Variants in RPS6KC1 observed in about 807,000 individuals in gnomAD.
RPS6KC1 encodes the protein ribosomal protein S6 kinase C1, also known as inactive ribosomal protein S6 kinase delta-1.
RPS6KC1 carries 54 observed loss-of-function variants against 103.8 expected under a neutral mutation model. The observed-to-expected ratio is 0.52, with a 90% CI of 0.42 to 0.65. RPS6KC1 has a LOEUF of 0.65. Among genes scored for constraint, RPS6KC1 ranks in the 30% least tolerant of loss-of-function variants. RPS6KC1 has a pLI of 0.00. For missense variants in RPS6KC1, 1,151 were observed against 1,253.8 expected, an observed-to-expected ratio of 0.92 and a Z score of 1.24; for synonymous variants, 439 against 438.7, an observed-to-expected ratio of 1.00 and a Z score of -0.01.
chr1:213,862,158 A>G, the RPS6KC1 span, among the ~76,000 whole-genome samples: 1 of 152,206 alleles, frequency 6.6e-6, no homozygotes, highest in Non-Finnish European at 1.5e-5. Flanking sequence ...TTTGCTGCAC[A>G]TGCTACGTAG....
At chr1:213,496,873 A>G in the RPS6KC1 span, among the ~76,000 whole-genome samples, 7 of 152,204 alleles carry the variant, frequency 4.6e-5, no homozygotes, top group Non-Finnish European at 8.8e-5. Flanking sequence ...TGTATCAGTA[A>G]CTTGGAAATT....
chr1:213,729,025 G>T, the RPS6KC1 span, among the ~76,000 whole-genome samples: 4 of 139,270 alleles, frequency 2.9e-5, no homozygotes, highest in African/African-American at 8.1e-5. Flanking sequence ...AGAGGGCAAA[G>T]GTCAGCACAG....
At chr1:213,812,554 C>A in the RPS6KC1 span, among the ~76,000 whole-genome samples, 4 of 152,196 alleles carry the variant, frequency 2.6e-5, no homozygotes, top group African/African-American at 9.6e-5. Flanking sequence ...CAGGGATTGA[C>A]AATGCCGTTG....
At chr1:213,611,012 G>A in the RPS6KC1 span, among the ~76,000 whole-genome samples, 2 of 152,138 alleles carry the variant, frequency 1.3e-5, no homozygotes, top group African/African-American at 4.8e-5. Context: ...CACCATAAAT[G>A]CTTGTATAAT....
chr1:213,172,218 T>G (rs533703200), intron 7 of RPS6KC1, among the ~76,000 whole-genome samples: 84 of 151,982 alleles, frequency 5.5e-4, no homozygotes, highest in Non-Finnish European at 9.3e-4. Context: ...GAGAGAGAGA[T>G]CTCACTGAGA....
the RPS6KC1 span, among the ~76,000 whole-genome samples, chr1:213,630,204 T>A: frequency 6.6e-6 from 1 of 152,252 alleles, no homozygotes; most frequent in African/African-American, 2.4e-5. Context: ...ATTCTCCCCG[T>A]CACTTTCAGG....
intron 12 of RPS6KC1, among the ~76,000 whole-genome samples, chr1:213,254,232 G>A (rs2094595683): frequency 6.6e-6 from 1 of 152,194 alleles, no homozygotes; most frequent in East Asian, 1.9e-4. Flanking sequence ...ATACTGAAGT[G>A]AAATTTCTAG....
chr1:213,135,058 GTT>G (rs1252054384), intron 6 of RPS6KC1, among the ~76,000 whole-genome samples: 3 of 152,118 alleles, frequency 2.0e-5, no homozygotes, highest in African/African-American at 7.2e-5. Flanking sequence ...TTAGTTGTTG[GTT>G]TTTCATAGAC....
rs1377238702 is a variant in RPS6KC1 at position 213,272,680 on chromosome 1, A to G, written c.*46A>G. The G allele has an allele frequency of 2.1e-6, 3 of 1,411,226 alleles. No homozygotes were observed. In the South Asian group the frequency reaches 3.5e-5, roughly 16 times the overall value. 87.4% of individuals were successfully genotyped at this position (1,411,226 alleles called of 1,614,324 possible). A position where few individuals can be genotyped will look rare whatever the true frequency, so the allele number is the denominator to read the frequency against. On this transcript the variant is annotated 3_prime_UTR_variant, in exon 15 of 15. Coordinates refer to ENST00000366960, the MANE Select transcript of RPS6KC1 (RefSeq NM_012424.6). ...CACACATTCTGATCTTCTCTGTGACAGGCATCTCCAGCACTGAGGCACCTC... is the reference window on the plus strand; with the variant it reads ...CACACATTCTGATCTTCTCTGTGACGGGCATCTCCAGCACTGAGGCACCTC...
the RPS6KC1 span, among the ~76,000 whole-genome samples, chr1:213,634,912 T>C: frequency 6.6e-6 from 1 of 151,314 alleles, no homozygotes; most frequent in Non-Finnish European, 1.5e-5. Context: ...AAGAATCAAA[T>C]AGACACAATA....
chr1:213,531,760 G>A, the RPS6KC1 span, among the ~76,000 whole-genome samples: 1 of 152,342 alleles, frequency 6.6e-6, no homozygotes, highest in South Asian at 2.1e-4. Flanking sequence ...CTGGCTTAGA[G>A]ATAAGGCTGT....
At chr1:213,207,510 A>C (rs1040411318) in intron 8 of RPS6KC1, among the ~76,000 whole-genome samples, 4 of 152,040 alleles carry the variant, frequency 2.6e-5, no homozygotes, top group Non-Finnish European at 5.9e-5. Flanking sequence ...TCACCCTTCC[A>C]CAACCTGTAA....
At chr1:213,236,061 C>G (rs1337096085) in intron 10 of RPS6KC1, among the ~76,000 whole-genome samples, 4 of 152,138 alleles carry the variant, frequency 2.6e-5, no homozygotes, top group African/African-American at 9.7e-5. Flanking sequence ...GCATTAGATT[C>G]TCATAGGAGC....
chr1:213,419,426 A>G, the RPS6KC1 span, among the ~76,000 whole-genome samples: 2 of 152,288 alleles, frequency 1.3e-5, no homozygotes, highest in East Asian at 3.9e-4. Flanking sequence ...ACCTAGTATT[A>G]TCTCATTTTC....
chr1:213,146,686 A>G (rs2087882509), intron 6 of RPS6KC1, among the ~76,000 whole-genome samples: 2 of 151,180 alleles, frequency 1.3e-5, no homozygotes, highest in East Asian at 3.9e-4. Flanking sequence ...CGGCCTCCCA[A>G]AGTGCTGGGA....
At position 213,211,649 on chromosome 1, in the gene RPS6KC1, T is replaced by G. The variant is rs900246924; in HGVS notation, c.1045-18848T>G. Among the ~76,000 whole-genome samples, 12 of 152,212 alleles carry G rather than the reference T, an allele frequency of 7.9e-5. No individual in the cohort carries two copies. The East Asian group carries it at 2.3e-3, about 29-fold the overall frequency. On this transcript the variant is annotated intron_variant, in intron 8 of 14. Transcript: ENST00000366960. ...CTTTTTACATACATATAAAAGATAT[T>G]TCTTTGATAGGTTTATTGTTCACTA...
the RPS6KC1 span, among the ~76,000 whole-genome samples, chr1:213,375,206 T>TATAC: frequency 2.0e-5 from 3 of 151,524 alleles, no homozygotes. Context: ...CATATACACA[T>TATAC]ATACATACAT....
chr1:213,072,686 G>T (rs548443593), intron 2 of RPS6KC1, among the ~76,000 whole-genome samples: 1 of 152,266 alleles, frequency 6.6e-6, no homozygotes, highest in Admixed American at 6.5e-5. Context: ...ATATGTATCA[G>T]TGAAAGTAAT....
chr1:213,486,786 A>T, the RPS6KC1 span, among the ~76,000 whole-genome samples: 2 of 152,144 alleles, frequency 1.3e-5, no homozygotes, highest in African/African-American at 4.8e-5. Context: ...CTGGGAATAC[A>T]AGGTAGTCAA....
Sources: gnomAD v4.1 joint callset for allele counts (sites outside exome capture counted in the v4.1 genomes callset) on GRCh38, gnomAD v4.1.1 for gene constraint, MANE v1.5 for transcripts, NCBI Gene and HGNC (gene_info 2026-07-23, HGNC 2026-07-21) for gene names.